The following FSD2 variants were observed in gnomAD, a reference collection of about 807,000 sequenced individuals.
FSD2 encodes fibronectin type III and SPRY domain containing 2.
A neutral mutation model predicts 80.4 loss-of-function variants in FSD2; 71 were observed. The ratio of observed to expected loss-of-function variants is 0.88; its 90% CI spans 0.73 to 1.08. The LOEUF is 1.08. Ranked by LOEUF, FSD2 falls within the 50% of genes least tolerant of loss-of-function variation. The pLI is 0.00. For synonymous variants in FSD2, 361 were observed against 329.5 expected, an observed-to-expected ratio of 1.10 and a Z score of -1.03; for missense variants, 923 against 913.8, an observed-to-expected ratio of 1.01 and a Z score of -0.13.
chr15:82,787,191 A>T lies in FSD2; in HGVS notation c.200T>A (p.Leu67His), dbSNP rs747489558. The change falls in exon 2 of 13, where the codon CTT becomes CAT. Residue 67 changes from leucine to histidine, a missense_variant. Coordinates refer to ENST00000334574, the MANE Select transcript of FSD2 (RefSeq NM_001007122.4). ...GACAAGTTCATCCACTTCCTCTTGA[A>T]GGTCTCTTTGAGCCTTACCATCCCC... is the stretch of plus-strand genomic sequence containing the variant. Reference protein sequence around the residue: ...GAGDGKAQRDLQEEVDELVHL... With the variant: ...GAGDGKAQRDHQEEVDELVHL... 2.5e-6 allele frequency: 4 copies of T among 1,613,976 alleles called. No individual in the cohort carries two copies. The Admixed American group carries it at 6.7e-5, about 27-fold the overall frequency.
chr15:82,764,801 T>C (rs2151488943), intron 11 of FSD2, among the ~76,000 whole-genome samples: 1 of 152,096 alleles, frequency 6.6e-6, no homozygotes, highest in South Asian at 2.1e-4. Flanking sequence ...TGTTTGTGCA[T>C]TTTGTCCAAT....
chr15:82,778,835 C>G lies in FSD2; in HGVS notation c.1042G>C (p.Glu348Gln), dbSNP rs765239828. 6.2e-7 allele frequency: 1 copy of G among 1,613,988 alleles called. No homozygotes were observed. Among genetic ancestry groups the G allele is most frequent in the Non-Finnish European group, 8.5e-7 (1 of 1,179,874 alleles). ...KTDVEISAQP[E>Q]FEDQTLDFSD... ...AAATCCAAGGTCTGGTCTTCAAACTCAGGCTGTGCAGAGATTTCCACGTCT... is the reference window on the plus strand; with the variant it reads ...AAATCCAAGGTCTGGTCTTCAAACTGAGGCTGTGCAGAGATTTCCACGTCT... The change falls in exon 6 of 13, where the codon GAG becomes CAG. Residue 348 changes from glutamate to glutamine, a missense_variant. Physicochemically the swap from Glu to Gln is conservative, Grantham distance 29. Coordinates refer to ENST00000334574, the MANE Select transcript of FSD2 (RefSeq NM_001007122.4).
At chr15:82,771,549 G>A (rs1263581446) in intron 7 of FSD2, among the ~76,000 whole-genome samples, 1 of 152,262 alleles carries the variant, frequency 6.6e-6, no homozygotes, top group Non-Finnish European at 1.5e-5. Context: ...GCTGCCCAGA[G>A]TGGAGGCCGG....
intron 4 of FSD2, among the ~76,000 whole-genome samples, chr15:82,782,434 C>T (rs927897494): frequency 2.0e-5 from 3 of 152,146 alleles, no homozygotes; most frequent in African/African-American, 7.2e-5. Flanking sequence ...AAAACAACAA[C>T]AACAAAAAAC....
chr15:82,805,576 G>A (rs1435248038), intron 1 of FSD2, among the ~76,000 whole-genome samples: 1 of 152,194 alleles, frequency 6.6e-6, no homozygotes, highest in African/African-American at 2.4e-5. Flanking sequence ...TTTTCAGCAT[G>A]TACACACAGA....
At chr15:82,782,016 A>T (rs953593520) in intron 4 of FSD2, among the ~76,000 whole-genome samples, 64 of 149,042 alleles carry the variant, frequency 4.3e-4, no homozygotes, top group African/African-American at 1.4e-3. Context: ...GTGAGCCGAG[A>T]TCGTGCCACT....
chr15:82,796,088 G>A (rs58602186), intron 1 of FSD2, among the ~76,000 whole-genome samples: 255 of 141,382 alleles, frequency 1.8e-3, no homozygotes, highest in African/African-American at 6.5e-3. Context: ...CTCAACCACC[G>A]CCTTCTGGTT....
At chr15:82,765,113 A>G (rs1460660266) in intron 11 of FSD2, 53 bp downstream of exon 11, 13 of 1,539,928 alleles carry the variant, frequency 8.4e-6, no homozygotes, top group Admixed American at 2.1e-5. Context: ...CCTGAATAAC[A>G]GTGCACCTTC....
intron 3 of FSD2, 52 bp downstream of exon 3, chr15:82,786,459 G>C: frequency 7.6e-7 from 1 of 1,321,572 alleles, no homozygotes; most frequent in Non-Finnish European, 1.1e-6. Context: ...GCTTGACATA[G>C]CCATTGATGG....
At position 82,759,935 on chromosome 15, in the gene FSD2, A is replaced by C. The variant is rs546475802; in HGVS notation, c.1998-335T>G. On this transcript the variant is annotated intron_variant, in intron 12 of 12. Coordinates refer to ENST00000334574, the MANE Select transcript of FSD2 (RefSeq NM_001007122.4). ...TAGCCTCCTGAGTAGCTGGGATTAC[A>C]GGCGTGCACCACCAAGCCCGGCTAA... Among the ~76,000 whole-genome samples the C allele has an allele frequency of 6.6e-5, 10 of 151,768 alleles. No homozygotes were observed. In the South Asian group the frequency reaches 1.9e-3, roughly 29 times the overall value.
chr15:82,766,087 C>G (rs1471613462), intron 9 of FSD2, 56 bp from the exon 10 acceptor site: 1 of 1,497,212 alleles, frequency 6.7e-7, no homozygotes, highest in Non-Finnish European at 8.9e-7. Flanking sequence ...CAGGCCCAAG[C>G]ACCAGGCATC....
intron 9 of FSD2, among the ~76,000 whole-genome samples, chr15:82,767,650 A>G (rs1278254630): frequency 6.6e-6 from 1 of 152,208 alleles, no homozygotes; most frequent in African/African-American, 2.4e-5. Context: ...AAGTATCAGC[A>G]TAAATTGCAA....
intron 12 of FSD2, among the ~76,000 whole-genome samples, chr15:82,760,739 G>GCACACA (rs141943507): frequency 0.017 from 2,623 of 150,188 alleles, 61 homozygotes; most frequent in African/African-American, 0.05. Context: ...GTGCGTGCAC[G>GCACACA]CACACACACA....
In FSD2 at chr15:82,787,245, G is replaced by T; in HGVS notation, c.146C>A (p.Ala49Asp). The change falls in exon 2 of 13, where the codon GCT becomes GAT. Residue 49 changes from alanine (A) to aspartate (D), a missense_variant. Transcript: ENST00000334574. ...ENTRMRKVVQ[A>D]EMANESRGAG... ...TCCTCTTGACTCATTGGCCATTTCA[G>T]CTTGGACTACTTTCCTCATCCTAGT... The T allele has an allele frequency of 6.2e-7, 1 of 1,613,836 alleles. No homozygotes were observed. Among genetic ancestry groups the T allele is most frequent in the Middle Eastern group, 1.6e-4 (1 of 6,062 alleles).
chr15:82,782,844 A>G lies in FSD2; in HGVS notation c.917T>C (p.Met306Thr), dbSNP rs1233128044. The G allele has an allele frequency of 6.2e-7, 1 of 1,613,918 alleles. No individual in the cohort carries two copies. The highest frequency in any genetic ancestry group is 1.3e-5 in the African/African-American group (1 of 75,000). The stretch of plus-strand genomic sequence containing the variant: ...GTGACACATCTCCTCTATTGTTTCC[A>G]TCAGTTCTTTGCAAGTATCTAGGTT... Reference protein sequence around the residue: ...GENLDTCKELMETIEEMCHEE... With the variant: ...GENLDTCKELTETIEEMCHEE... Residue 306 changes from methionine (M) to threonine (T), a missense_variant, in exon 4 of 13, where the codon ATG (methionine) becomes ACG (threonine). Physicochemically the swap from Met to Thr is moderately conservative, Grantham distance 81. Transcript: ENST00000334574.
chr15:82,764,170 A>G (rs1965132748), intron 11 of FSD2, among the ~76,000 whole-genome samples: 1 of 152,176 alleles, frequency 6.6e-6, no homozygotes, highest in African/African-American at 2.4e-5. Context: ...CAGGGAACCT[A>G]AGGACTTCCT....
At chr15:82,804,700 TG>T (rs1341857992) in intron 1 of FSD2, among the ~76,000 whole-genome samples, 1 of 152,230 alleles carries the variant, frequency 6.6e-6, no homozygotes, top group Non-Finnish European at 1.5e-5. Context: ...AGCTGGAATG[TG>T]AAACACCAAG....
intron 1 of FSD2, among the ~76,000 whole-genome samples, chr15:82,798,134 T>G (rs2050323633): frequency 6.6e-6 from 1 of 151,614 alleles, no homozygotes; most frequent in African/African-American, 2.4e-5. Flanking sequence ...AGCTTAGGAG[T>G]TCGAGACCAG....
Position 82,759,134 on chromosome 15 carries a change from C to T in FSD2, c.*214G>A, listed in dbSNP as rs752978619. 1 of 536,810 alleles carries T rather than the reference C, an allele frequency of 1.9e-6. No individual in the cohort carries two copies. Among genetic ancestry groups the T allele is most frequent in the Non-Finnish European group, 3.3e-6 (1 of 306,072 alleles). 33.3% of individuals were successfully genotyped at this position (536,810 alleles called of 1,614,324 possible). A position where few individuals can be genotyped will look rare whatever the true frequency, so the allele number is the denominator to read the frequency against. ...CTGAGCCTTTATTTTACAGCTGGGC[C>T]TGGTAATGACTATCCTAGCAGCACA... On this transcript the variant is annotated 3_prime_UTR_variant, in exon 13 of 13. Transcript: ENST00000334574.
Sources: allele counts gnomAD v4.1 joint callset (sites outside exome capture counted in the v4.1 genomes callset), GRCh38; gene constraint gnomAD v4.1.1; transcripts MANE v1.5; gene names NCBI Gene and HGNC (gene_info 2026-07-23, HGNC 2026-07-21).